PDZD8: variants seen among roughly 807,000 people sequenced by gnomAD.
The protein encoded by PDZD8 is PDZ domain-containing protein 8.
A neutral mutation model predicts 85.8 loss-of-function variants in PDZD8; 14 were observed. The observed-to-expected ratio is 0.16, with a 90% CI of 0.11 to 0.26. The LOEUF (loss-of-function observed/expected upper bound fraction) is 0.26, where lower values mean the gene tolerates loss of function less well. PDZD8 is among the 10% of genes least tolerant of loss of function. The probability of loss-of-function intolerance (pLI) is 1.00; values close to 1 mark genes in which losing one functional copy is unlikely to be tolerated. For missense variants in PDZD8, 1,197 were observed against 1,424.3 expected (o/e 0.84, Z 2.57); for synonymous variants, 592 against 568.6 (o/e 1.04, Z -0.59).
chr10:117,285,597 T>G (rs1325413729), intron 4 of PDZD8, 126 bp from the exon 5 acceptor site: 2 of 1,146,714 alleles, frequency 1.7e-6, no homozygotes, highest in East Asian at 2.8e-5. Context: ...AATAGAAGAA[T>G]AATAGGAAAA....
intron 1 of PDZD8, among the ~76,000 whole-genome samples, chr10:117,356,981 C>T (rs1844906297): frequency 6.6e-6 from 1 of 151,902 alleles, no homozygotes; most frequent in African/African-American, 2.4e-5. Context: ...AACTTTTTTT[C>T]CCAGTAAAAG....
intron 2 of PDZD8, among the ~76,000 whole-genome samples, chr10:117,335,720 T>C (rs1052794472): frequency 6.6e-6 from 1 of 152,110 alleles, no homozygotes; most frequent in African/African-American, 2.4e-5. Context: ...TCTAAATAAT[T>C]TAAGAACACA....
intron 3 of PDZD8, among the ~76,000 whole-genome samples, chr10:117,295,532 T>C (rs910239340): frequency 1.2e-4 from 19 of 152,170 alleles, no homozygotes; most frequent in Non-Finnish European, 2.1e-4. Context: ...AGTTGGGAGC[T>C]AGGTTGCTTC....
In PDZD8 at chr10:117,318,911, A is replaced by G. The variant is rs1321155918; in HGVS notation, c.1059T>C (p.Ser353=). ...ANVHCTLELS[S]SVWEEKQRSS... is the part of the protein sequence containing the mutation. ...TCCTCTGTTTTTCTTCCCAAACACT[A>G]CTGCTTAACTCAAGTGTGCAATGAA... is the stretch of plus-strand genomic sequence containing the variant. The change falls in exon 3 of 5, where the codon AGT becomes AGC. Residue 353 remains serine, a synonymous_variant. Transcript: ENST00000334464. The G allele has an allele frequency of 6.2e-7, 1 of 1,611,846 alleles. No homozygotes were observed. Among genetic ancestry groups the G allele is most frequent in the South Asian group, 1.1e-5 (1 of 91,022 alleles).
intron 4 of PDZD8, among the ~76,000 whole-genome samples, chr10:117,287,863 T>C (rs1382763872): frequency 6.6e-6 from 1 of 152,234 alleles, no homozygotes; most frequent in Non-Finnish European, 1.5e-5. Flanking sequence ...TATCTAGCTT[T>C]AAGTTCTACT....
intron 1 of PDZD8, among the ~76,000 whole-genome samples, chr10:117,370,318 C>A (rs926062613): frequency 2.0e-5 from 3 of 152,154 alleles, no homozygotes; most frequent in African/African-American, 4.8e-5. Context: ...AAAGCAACCA[C>A]TTGAGCAACT....
intron 3 of PDZD8, among the ~76,000 whole-genome samples, chr10:117,310,426 T>C (rs772719816): frequency 9.9e-5 from 15 of 152,198 alleles, no homozygotes; most frequent in Non-Finnish European, 2.1e-4. Context: ...CTCATACTCA[T>C]AGTGCCTTCC....
rs866789062 is a variant in PDZD8 at position 117,284,060 on chromosome 10, A to G, written c.2673T>C (p.Cys891=). 1.2e-5 allele frequency: 20 copies of G among 1,614,148 alleles called. No homozygotes were observed. In the Middle Eastern group the frequency reaches 3.0e-3, roughly 240 times the overall value. The part of the protein sequence containing the change: ...QEKCLAETSV[C]GATDRRIDRT... ...TGTCTATTCGCCTATCAGTTGCTCC[A>G]CAAACAGAAGTCTCAGCTAGACACT... Residue 891 remains cysteine (C), a synonymous_variant, in exon 5 of 5, where the codon TGT becomes TGC. Coordinates refer to ENST00000334464, the MANE Select transcript of PDZD8 (RefSeq NM_173791.5).
At chr10:117,351,878 T>C (rs952730430) in intron 1 of PDZD8, among the ~76,000 whole-genome samples, 1 of 152,044 alleles carries the variant, frequency 6.6e-6, no homozygotes, top group Non-Finnish European at 1.5e-5. Context: ...GAGGTCTTGC[T>C]ATATTGCTCA....
intron 1 of PDZD8, among the ~76,000 whole-genome samples, chr10:117,352,005 T>C (rs914989819): frequency 9.2e-5 from 14 of 152,212 alleles, no homozygotes; most frequent in African/African-American, 3.1e-4. Flanking sequence ...GTGCATTATT[T>C]TACTAACACT....
intron 3 of PDZD8, among the ~76,000 whole-genome samples, chr10:117,314,932 G>A (rs1358566827): frequency 2.0e-5 from 3 of 152,240 alleles, no homozygotes; most frequent in Non-Finnish European, 4.4e-5. Flanking sequence ...TAGGTTGAAG[G>A]AAGATGGAGA....
intron 2 of PDZD8, among the ~76,000 whole-genome samples, chr10:117,329,825 A>G (rs2133827389): frequency 6.6e-6 from 1 of 151,476 alleles, no homozygotes; most frequent in Admixed American, 6.6e-5. Context: ...GTATGCCTGT[A>G]GTCCTAGCTA....
At chr10:117,292,899 A>C (rs996821636) in intron 3 of PDZD8, among the ~76,000 whole-genome samples, 3 of 152,038 alleles carry the variant, frequency 2.0e-5, no homozygotes, top group Non-Finnish European at 4.4e-5. Context: ...AGGGAACAGA[A>C]CATAAGACAC....
At chr10:117,341,812 C>T (rs1466160834) in intron 1 of PDZD8, among the ~76,000 whole-genome samples, 1 of 152,164 alleles carries the variant, frequency 6.6e-6, no homozygotes, top group East Asian at 1.9e-4. Flanking sequence ...ATACAGAGAG[C>T]TGACTATTAC....
intron 3 of PDZD8, among the ~76,000 whole-genome samples, chr10:117,296,189 TA>T (rs66633275): frequency 0.77 from 116,465 of 151,504 alleles, 45,425 homozygotes; most frequent in Non-Finnish European, 0.85. Context: ...TTATTACAAT[TA>T]AAATTATAAA....
At chr10:117,315,642 G>A (rs1844116632) in intron 3 of PDZD8, among the ~76,000 whole-genome samples, 1 of 151,352 alleles carries the variant, frequency 6.6e-6, no homozygotes. Flanking sequence ...TGGAACTAGG[G>A]GTAAAGCAAC....
chr10:117,347,410 A>G (rs1589583150), intron 1 of PDZD8, among the ~76,000 whole-genome samples: 1 of 152,320 alleles, frequency 6.6e-6, no homozygotes, highest in East Asian at 1.9e-4. Flanking sequence ...TATAAGCTGG[A>G]AGATGCCCCC....
chr10:117,337,945 T>C (rs989615992), intron 2 of PDZD8, among the ~76,000 whole-genome samples: 1 of 152,220 alleles, frequency 6.6e-6, no homozygotes, highest in African/African-American at 2.4e-5. Context: ...AGCACTGTTA[T>C]TTGTGCTTTC....
intron 2 of PDZD8, among the ~76,000 whole-genome samples, chr10:117,339,523 C>T (rs575654786): frequency 2.2e-4 from 34 of 152,268 alleles, no homozygotes; most frequent in African/African-American, 7.9e-4. Context: ...TAAATTCAGT[C>T]CACTGCCTGT....
Sources: gnomAD v4.1 joint callset for allele counts (sites outside exome capture counted in the v4.1 genomes callset) on GRCh38, gnomAD v4.1.1 for gene constraint, MANE v1.5 for transcripts, NCBI Gene and HGNC (gene_info 2026-07-23, HGNC 2026-07-21) for gene names.